The following PRKCH variants were observed in gnomAD, a reference collection of about 807,000 sequenced individuals.
The protein encoded by PRKCH is protein kinase C eta type.
PRKCH carries 28 observed loss-of-function variants against 82.5 expected under a neutral mutation model. The ratio of observed to expected loss-of-function variants is 0.34; its 90% CI spans 0.25 to 0.47. PRKCH has a LOEUF of 0.47. PRKCH is among the 20% of genes least tolerant of loss of function. PRKCH has a pLI of 1.00. For synonymous variants in PRKCH, 322 were observed against 327.4 expected (o/e 0.98, Z 0.18); for missense variants, 705 against 881.8 (o/e 0.80, Z 2.54).
chr14:61,501,372 T>A (rs1161694548), intron 10 of PRKCH, among the ~76,000 whole-genome samples: 1 of 152,126 alleles, frequency 6.6e-6, no homozygotes. Flanking sequence ...TCTACATATA[T>A]TGACCTGGAT....
intron 2 of PRKCH, among the ~76,000 whole-genome samples, chr14:61,424,194 T>C (rs1882997522): frequency 6.6e-6 from 1 of 152,210 alleles, no homozygotes; most frequent in African/African-American, 2.4e-5. Flanking sequence ...TCAGTATGTC[T>C]TTATAGCAGT....
chr14:61,291,802 T>G (rs1454626390), intron 1 of PRKCH, among the ~76,000 whole-genome samples: 1 of 152,200 alleles, frequency 6.6e-6, no homozygotes, highest in East Asian at 1.9e-4. Context: ...AGGTTTCTTA[T>G]AAGCTTTTGT....
chr14:61,425,099 G>C (rs573953744), intron 2 of PRKCH, among the ~76,000 whole-genome samples: 2 of 152,322 alleles, frequency 1.3e-5, no homozygotes, highest in African/African-American at 2.4e-5. Context: ...CTGCTGCAGG[G>C]GCAAAGCCCT....
At chr14:61,483,036 C>A (rs560780029) in intron 9 of PRKCH, among the ~76,000 whole-genome samples, 1 of 152,236 alleles carries the variant, frequency 6.6e-6, no homozygotes, top group African/African-American at 2.4e-5. Context: ...GTCAGATCCA[C>A]GAGGAAGATG....
At chr14:61,509,937 C>G (rs1887305018) in intron 10 of PRKCH, among the ~76,000 whole-genome samples, 1 of 151,860 alleles carries the variant, frequency 6.6e-6, no homozygotes, top group Non-Finnish European at 1.5e-5. Context: ...CAAACAAAAA[C>G]AAACTATGAA....
chr14:61,345,493 G>A (rs2045980522), intron 1 of PRKCH, among the ~76,000 whole-genome samples: 1 of 152,200 alleles, frequency 6.6e-6, no homozygotes, highest in African/African-American at 2.4e-5. Flanking sequence ...GCTGTGAACT[G>A]TGCATTAACT....
chr14:61,278,845 A>C (rs1053658781), intron 1 of PRKCH: 3 of 152,352 alleles, frequency 2.0e-5, no homozygotes, highest in Admixed American at 6.5e-5. Context: ...TCTAGTTTAC[A>C]TATAAGACTA....
intron 1 of PRKCH, among the ~76,000 whole-genome samples, chr14:61,290,390 G>T (rs908703926): frequency 6.6e-6 from 1 of 152,150 alleles, no homozygotes; most frequent in Non-Finnish European, 1.5e-5. Context: ...ACATACTTAG[G>T]GTAAATACCT....
chr14:61,285,589 T>A, intron 1 of PRKCH, among the ~76,000 whole-genome samples: 1 of 152,260 alleles, frequency 6.6e-6, no homozygotes, highest in East Asian at 1.9e-4. Context: ...ATTGAGTACC[T>A]TCTGTGAATC....
intron 1 of PRKCH, among the ~76,000 whole-genome samples, chr14:61,240,099 A>T (rs971195249): frequency 2.0e-5 from 3 of 152,186 alleles, no homozygotes; most frequent in Non-Finnish European, 2.9e-5. Context: ...TATCATGGTG[A>T]TACGGCTCCA....
At chr14:61,261,238 T>C (rs546856518) in intron 1 of PRKCH, among the ~76,000 whole-genome samples, 13 of 152,330 alleles carry the variant, frequency 8.5e-5, no homozygotes, top group African/African-American at 3.1e-4. Context: ...TTAGGAACTT[T>C]CATCTTTTTA....
intron 1 of PRKCH, chr14:61,326,941 A>G (rs1027127943): frequency 4.3e-5 from 16 of 371,770 alleles, no homozygotes; most frequent in African/African-American, 2.1e-4. Context: ...TCTTTCGTGT[A>G]CTTGCTCTTG....
intron 1 of PRKCH, among the ~76,000 whole-genome samples, chr14:61,272,344 C>CTTTTTTTTTTTTTT (rs1162331604): frequency 3.4e-4 from 8 of 23,612 alleles, no homozygotes; most frequent in African/African-American, 7.6e-4. Context: ...TTTTTTCTTT[C>CTTTTTTTTTTTTTT]TTTTTTTTTT....
chr14:61,342,037 TG>T (rs2045935741), intron 1 of PRKCH, among the ~76,000 whole-genome samples: 1 of 152,050 alleles, frequency 6.6e-6, no homozygotes, highest in African/African-American at 2.4e-5. Context: ...AAGATAGTTG[TG>T]ACAGTTGAGA....
upstream of PRKCH, among the ~76,000 whole-genome samples, chr14:61,317,074 T>C (rs2045567720): frequency 6.6e-6 from 1 of 152,210 alleles, no homozygotes; most frequent in African/African-American, 2.4e-5. Context: ...GTGACTTCAA[T>C]CAGGCAATTT....
At chr14:61,255,036 C>T (rs533897013) in intron 1 of PRKCH, among the ~76,000 whole-genome samples, 1 of 152,362 alleles carries the variant, frequency 6.6e-6, no homozygotes, top group African/African-American at 2.4e-5. Flanking sequence ...TGCAGTCCCA[C>T]ACTCTCTCAA....
upstream of PRKCH, among the ~76,000 whole-genome samples, chr14:61,321,478 C>T (rs555109111): frequency 1.4e-3 from 206 of 152,326 alleles, 1 homozygote; most frequent in African/African-American, 4.8e-3. This position sits in a 1 kb window ranked among gnomAD's most constrained non-coding sequence, Gnocchi z 4.1. Context: ...CACTGGCCTC[C>T]CGGGGGCTTG....
chr14:61,442,954 T>A (rs930627948), intron 2 of PRKCH, among the ~76,000 whole-genome samples, 157 bp from the exon 3 acceptor site: 1 of 152,010 alleles, frequency 6.6e-6, no homozygotes, highest in Non-Finnish European at 1.5e-5. Context: ...AAGAGTCCTG[T>A]TAGGAAGCCA....
At position 61,288,815 on chromosome 14, in the gene PRKCH, G is replaced by A. The variant is rs1264477865; in HGVS notation, c.-19+101147G>A. Among the ~76,000 whole-genome samples, 9 of 152,196 alleles carry A rather than the reference G, an allele frequency of 5.9e-5. No homozygotes were observed. The South Asian group carries it at 6.2e-4, about 11-fold the overall frequency. ...TCTAGCAATTCTCTTTGACTTAGTC[G>A]GAAATTTCTGGGATGCAAGGAACGG... On this transcript the variant is annotated intron_variant, in intron 1 of 3. Coordinates refer to the PRKCH transcript ENST00000555185.
Sources: gnomAD v4.1 joint callset for allele counts (sites outside exome capture counted in the v4.1 genomes callset) on GRCh38, gnomAD v4.1.1 for gene constraint, Gnocchi (gnomAD v3.1) non-coding constraint, MANE v1.5 for transcripts, NCBI Gene and HGNC (gene_info 2026-07-23, HGNC 2026-07-21) for gene names.